Variants in SLC14A2 observed in about 807,000 individuals in gnomAD.
SLC14A2 encodes solute carrier family 14 member 2.
A neutral mutation model predicts 104.6 loss-of-function variants in SLC14A2; 91 were observed. The ratio of observed to expected loss-of-function variants is 0.87; its 90% CI spans 0.73 to 1.04. SLC14A2 has a LOEUF of 1.04. Among genes scored for constraint, SLC14A2 ranks in the 50% least tolerant of loss-of-function variants. The pLI is 0.00. For synonymous variants in SLC14A2, 476 were observed against 466.4 expected, an observed-to-expected ratio of 1.02 and a Z score of -0.27; for missense variants, 1,189 against 1,156.0, an observed-to-expected ratio of 1.03 and a Z score of -0.41.
intron 2 of SLC14A2, among the ~76,000 whole-genome samples, chr18:45,518,230 C>A (rs2043469450): frequency 6.6e-6 from 1 of 152,200 alleles, no homozygotes; most frequent in Non-Finnish European, 1.5e-5. Context: ...CATTTCACAG[C>A]TGATGCAAAC....
At chr18:45,454,240 A>G (rs2144620562) in intron 1 of SLC14A2, among the ~76,000 whole-genome samples, 1 of 152,220 alleles carries the variant, frequency 6.6e-6, no homozygotes, top group African/African-American at 2.4e-5. Flanking sequence ...CTAATCCTCA[A>G]CTTCCTTTTT....
Position 45,639,810 on chromosome 18 carries a change from G to C in SLC14A2, c.908G>C (p.Gly303Ala). The C allele has an allele frequency of 6.2e-7, 1 of 1,614,022 alleles. No homozygotes were observed. The highest frequency in any genetic ancestry group is 8.5e-7 in the Non-Finnish European group (1 of 1,180,020). ...VYGCDNPWTGGVFLVALFISS... is the reference protein window; with the variant it reads ...VYGCDNPWTGAVFLVALFISS... ...GGCTGTGACAATCCCTGGACAGGCG[G>C]CGTGTTCCTGGTGGCTCTGTTCATC... The change falls in exon 7 of 20, where the codon GGC (glycine) becomes GCC (alanine). Residue 303 changes from glycine (G) to alanine (A), a missense_variant. Transcript: ENST00000255226.
chr18:45,557,101 C>G (rs1029443096), intron 2 of SLC14A2, among the ~76,000 whole-genome samples: 3 of 152,220 alleles, frequency 2.0e-5, no homozygotes, highest in Non-Finnish European at 4.4e-5. Flanking sequence ...GCTTGTTGTA[C>G]AGTTCTCAGG....
chr18:45,399,456 C>T lies in SLC14A2; in HGVS notation c.-124-83777C>T, dbSNP rs572027192. On this transcript the variant is annotated intron_variant, in intron 1 of 20. Transcript: ENST00000586448. ...GTTTGTCTCCAGTTCTGAACACCTT[C>T]CTAGAGCCTTATAAATATTCTGGAT... 3.3e-5 allele frequency among the ~76,000 whole-genome samples: 5 copies of T among 152,246 alleles called. No individual in the cohort carries two copies. In the South Asian group the frequency reaches 1.0e-3, roughly 32 times the overall value.
intron 1 of SLC14A2, among the ~76,000 whole-genome samples, chr18:45,357,469 G>C (rs2085567032): frequency 6.6e-6 from 1 of 152,054 alleles, no homozygotes; most frequent in Admixed American, 6.5e-5. Context: ...TAAAAAGTTA[G>C]CTGGGCGTGG....
chr18:45,346,260 A>T (rs982707687), intron 1 of SLC14A2, among the ~76,000 whole-genome samples: 1 of 152,044 alleles, frequency 6.6e-6, no homozygotes, highest in Non-Finnish European at 1.5e-5. Context: ...GGTTCAAGCA[A>T]TTCTCCCACC....
intron 10 of SLC14A2, among the ~76,000 whole-genome samples, chr18:45,649,883 T>A (rs753517560): frequency 6.6e-6 from 1 of 152,274 alleles, no homozygotes. Flanking sequence ...TAGTTGTCCT[T>A]TCTGTCTTCG....
At chr18:45,561,660 ACT>A (rs2044202689) in intron 2 of SLC14A2, among the ~76,000 whole-genome samples, 1 of 151,636 alleles carries the variant, frequency 6.6e-6, no homozygotes, top group African/African-American at 2.4e-5. Flanking sequence ...GGAATTAAAA[ACT>A]CTTAGGTCCC....
Position 45,644,114 on chromosome 18 carries a change from C to G in SLC14A2, c.1305C>G (p.Ile435Met). Residue 435 changes from isoleucine (I) to methionine (M), a missense_variant, in exon 10 of 20, where the codon ATC becomes ATG. Ile to Met is a conservative substitution (Grantham distance 10). Transcript: ENST00000255226. The stretch of plus-strand genomic sequence containing the variant: ...TCACCTACCCCGAGGCCAACCGCAT[C>G]TACTACCTGACAGTGAAAAGCGGTG... Reference protein sequence around the residue: ...SKVTYPEANRIYYLTVKSGEE... With the variant: ...SKVTYPEANRMYYLTVKSGEE... The G allele has an allele frequency of 6.2e-7, 1 of 1,614,234 alleles. No individual in the cohort carries two copies. The highest frequency in any genetic ancestry group is 8.5e-7 in the Non-Finnish European group (1 of 1,180,024).
At chr18:45,392,789 A>G (rs919901115) in intron 1 of SLC14A2, among the ~76,000 whole-genome samples, 1 of 152,228 alleles carries the variant, frequency 6.6e-6, no homozygotes, top group Admixed American at 6.5e-5. Context: ...AATAATGTGA[A>G]TTAATCTATG....
chr18:45,251,677 T>C (rs2084424844), intron 1 of SLC14A2, among the ~76,000 whole-genome samples: 1 of 152,226 alleles, frequency 6.6e-6, no homozygotes, highest in African/African-American at 2.4e-5. Flanking sequence ...CTGTAAGGTA[T>C]GTATCTGTGT....
chr18:45,283,533 C>T (rs1323095069), intron 1 of SLC14A2, among the ~76,000 whole-genome samples: 2 of 152,124 alleles, frequency 1.3e-5, no homozygotes, highest in African/African-American at 2.4e-5. Flanking sequence ...CAAAAAAATG[C>T]TGCAGTCACT....
chr18:45,487,263 C>T (rs1443585887), intron 2 of SLC14A2, among the ~76,000 whole-genome samples: 1 of 152,216 alleles, frequency 6.6e-6, no homozygotes, highest in Non-Finnish European at 1.5e-5. Flanking sequence ...CATTGCATCT[C>T]CCTGACCATT....
At position 45,445,147 on chromosome 18, in the gene SLC14A2, T is replaced by C. The variant is rs551738439; in HGVS notation, c.-124-38086T>C. On this transcript the variant is annotated intron_variant, in intron 1 of 20. Transcript: ENST00000586448. ...TTTTTTTTAAGACGGAGTCTTGCTC[T>C]GTTCCCCAGGCTGAAGTGCAGTGGC... is the stretch of plus-strand genomic sequence containing the variant. Among the ~76,000 whole-genome samples the C allele has an allele frequency of 2.2e-4, 33 of 147,850 alleles. No homozygotes were observed. In the South Asian group the frequency reaches 7.2e-3, roughly 32 times the overall value.
At chr18:45,666,841 A>C in intron 12 of SLC14A2, 94 bp from the exon 13 acceptor site, 1 of 1,026,672 alleles carries the variant, frequency 9.7e-7, no homozygotes, top group South Asian at 1.5e-5. Context: ...ACCAAATGAC[A>C]ATCTTATTTG....
chr18:45,248,634 C>A (rs1380397174), intron 1 of SLC14A2, among the ~76,000 whole-genome samples: 4 of 152,236 alleles, frequency 2.6e-5, no homozygotes, highest in African/African-American at 4.8e-5. Flanking sequence ...CATGCAGAGA[C>A]ATGGCTCTCC....
intron 1 of SLC14A2, among the ~76,000 whole-genome samples, chr18:45,454,195 G>T (rs2086904196): frequency 6.6e-6 from 1 of 152,140 alleles, no homozygotes; most frequent in African/African-American, 2.4e-5. Context: ...GAAGCTTAGA[G>T]CTGGGGAAGG....
intron 1 of SLC14A2, among the ~76,000 whole-genome samples, chr18:45,287,841 A>G (rs573089119): frequency 2.6e-5 from 4 of 151,950 alleles, no homozygotes; most frequent in African/African-American, 9.7e-5. Context: ...GCTGTGGATG[A>G]AACGTGGTCT....
chr18:45,273,734 A>G (rs754221164), intron 1 of SLC14A2, among the ~76,000 whole-genome samples: 1 of 152,162 alleles, frequency 6.6e-6, no homozygotes, highest in Non-Finnish European at 1.5e-5. Flanking sequence ...CTTGAAAAAC[A>G]AGCTGAATCC....
Sources: gnomAD v4.1 joint callset for allele counts (sites outside exome capture counted in the v4.1 genomes callset) on GRCh38, gnomAD v4.1.1 for gene constraint, MANE v1.5 for transcripts, NCBI Gene and HGNC (gene_info 2026-07-23, HGNC 2026-07-21) for gene names.